Variants in ALPK2 observed in about 807,000 individuals in gnomAD.
ALPK2 encodes the protein alpha kinase 2, also known as alpha-protein kinase 2.
A neutral mutation model predicts 163.1 loss-of-function variants in ALPK2; 127 were observed. The ratio of observed to expected loss-of-function variants is 0.78; its 90% CI spans 0.67 to 0.90. ALPK2 has a LOEUF of 0.90. Ranked by LOEUF, ALPK2 falls within the 40% of genes least tolerant of loss-of-function variation. ALPK2 has a pLI of 0.00. For synonymous variants in ALPK2, 953 were observed against 959.1 expected, an observed-to-expected ratio of 0.99 and a Z score of 0.12; for missense variants, 2,360 against 2,589.6, an observed-to-expected ratio of 0.91 and a Z score of 1.92.
rs936452201 is a variant in ALPK2 at position 58,618,684 on chromosome 18, T to C, written c.-20-6867A>G. On this transcript the variant is annotated intron_variant, in intron 1 of 12. Transcript: ENST00000361673. Reference sequence around the variant, plus strand: ...GAAAAAATAATGTATTTCTCTCAAATTGTTGTAGAACAAAGGCTATAGGAG... The same window carrying C: ...GAAAAAATAATGTATTTCTCTCAAACTGTTGTAGAACAAAGGCTATAGGAG... 2.6e-5 allele frequency among the ~76,000 whole-genome samples: 4 copies of C among 152,256 alleles called. No individual in the cohort carries two copies. The East Asian group carries it at 7.7e-4, about 29-fold the overall frequency.
intron 5 of ALPK2, among the ~76,000 whole-genome samples, chr18:58,533,096 G>C (rs957801461): frequency 2.6e-5 from 4 of 152,212 alleles, no homozygotes; most frequent in African/African-American, 7.2e-5. Flanking sequence ...TCAGGACAAG[G>C]CTGGCTGCCC....
At position 58,534,831 on chromosome 18, in the gene ALPK2, C is replaced by A; in HGVS notation, c.5353+3G>T. ...ACAATGATGGACAGCAACAGAACCT[C>A]ACCTCTTCCTTCTCTTTTGCAAGAT... On this transcript the variant is annotated splice_donor_region_variant and intron_variant, in intron 5 of 12. Transcript: ENST00000361673. 6.2e-7 allele frequency: 1 copy of A among 1,604,314 alleles called. No homozygotes were observed. Among genetic ancestry groups the A allele is most frequent in the Non-Finnish European group, 8.5e-7 (1 of 1,176,208 alleles).
At chr18:58,596,899 C>T (rs530673687) in intron 3 of ALPK2, among the ~76,000 whole-genome samples, 2 of 152,280 alleles carry the variant, frequency 1.3e-5, no homozygotes, top group South Asian at 4.2e-4. Context: ...TGGCTCACTG[C>T]AGCCTCAACC....
At chr18:58,619,314 C>A (rs1244394550) in intron 1 of ALPK2, among the ~76,000 whole-genome samples, 2 of 152,164 alleles carry the variant, frequency 1.3e-5, no homozygotes, top group Non-Finnish European at 2.9e-5. Flanking sequence ...GCTTCAGTCA[C>A]TTCTAAAGGT....
intron 10 of ALPK2, among the ~76,000 whole-genome samples, chr18:58,512,663 T>C (rs1363659516): frequency 6.8e-6 from 1 of 147,410 alleles, no homozygotes; most frequent in African/African-American, 2.5e-5. Context: ...GTGTGTGCTG[T>C]GTGTGTGTGT....
At chr18:58,561,126 G>A (rs1166890993) in intron 4 of ALPK2, among the ~76,000 whole-genome samples, 1 of 152,158 alleles carries the variant, frequency 6.6e-6, no homozygotes, top group African/African-American at 2.4e-5. Flanking sequence ...GATACCGTAT[G>A]TGCCCAAGAA....
rs765155195 is a variant in ALPK2 at position 58,504,193 on chromosome 18, G to A, written c.6030-45C>T. ...AGGCGCACATCAAGGTCTCTACTGG[G>A]AAGAGAGGCTCCTGCGGCATTCTAC... On this transcript the variant is annotated intron_variant, in intron 10 of 12. Coordinates refer to ENST00000361673, the MANE Select transcript of ALPK2 (RefSeq NM_052947.4). 5 of 1,516,266 alleles carry A rather than the reference G, an allele frequency of 3.3e-6. No homozygotes were observed. The Admixed American group carries it at 8.5e-5, about 26-fold the overall frequency. The allele number at this position is 1,516,266 out of a possible 1,614,324, so 93.9% of individuals were successfully genotyped here.
intron 4 of ALPK2, among the ~76,000 whole-genome samples, chr18:58,559,628 T>A (rs2144174672): frequency 6.6e-6 from 1 of 152,326 alleles, no homozygotes; most frequent in East Asian, 1.9e-4. Context: ...CTATGGAGTC[T>A]CTGACTCAGG....
In ALPK2 at chr18:58,621,586, A is replaced by G. The variant is rs181995370; in HGVS notation, c.-21+7178T>C. ...GCACCAGGCCAATGTGATCACTTCT[A>G]TGGGCAAAGAAGAAGGAGGAGGAGG... On this transcript the variant is annotated intron_variant, in intron 1 of 12. Transcript: ENST00000361673. 4.5e-3 allele frequency among the ~76,000 whole-genome samples: 680 copies of G among 150,554 alleles called. 6 individuals are homozygous for G. The highest frequency in any genetic ancestry group is 0.015 in the African/African-American group (631 of 41,422).
At chr18:58,482,881 A>T (rs1314175132) in intron 12 of ALPK2, among the ~76,000 whole-genome samples, 1 of 152,186 alleles carries the variant, frequency 6.6e-6, no homozygotes, top group East Asian at 1.9e-4. Context: ...CCATCAAAAA[A>T]TTGGTTGAAG....
intron 8 of ALPK2, among the ~76,000 whole-genome samples, chr18:58,519,045 A>G (rs1186974019): frequency 6.6e-6 from 1 of 152,192 alleles, no homozygotes; most frequent in African/African-American, 2.4e-5. Flanking sequence ...TTTCTTCCCC[A>G]ATAACTCCTA....
At chr18:58,570,211 A>G (rs1437866998) in intron 4 of ALPK2, among the ~76,000 whole-genome samples, 1 of 152,064 alleles carries the variant, frequency 6.6e-6, no homozygotes, top group Non-Finnish European at 1.5e-5. Context: ...CTCTGGAGTC[A>G]TTGTTTTAAT....
intron 10 of ALPK2, among the ~76,000 whole-genome samples, chr18:58,510,296 T>C (rs1465130881): frequency 6.6e-6 from 1 of 152,348 alleles, no homozygotes; most frequent in South Asian, 2.1e-4. Flanking sequence ...AGCCTTGTAG[T>C]ATTGTTTGAA....
chr18:58,624,833 C>T (rs1418523180), intron 1 of ALPK2, among the ~76,000 whole-genome samples: 2 of 152,210 alleles, frequency 1.3e-5, no homozygotes, highest in Non-Finnish European at 1.5e-5. Flanking sequence ...TATCATTTGG[C>T]TCTCCATTCC....
At chr18:58,489,950 G>A (rs149772068) in intron 12 of ALPK2, among the ~76,000 whole-genome samples, 1,888 of 152,014 alleles carry the variant, frequency 0.012, 15 homozygotes, top group Non-Finnish European at 0.019. Flanking sequence ...GTGTGGTACC[G>A]TGTGCCTGTA....
intron 4 of ALPK2, among the ~76,000 whole-genome samples, chr18:58,573,708 GAGAAGGTCAGC>G (rs1489600603): frequency 6.7e-6 from 1 of 148,478 alleles, no homozygotes; most frequent in African/African-American, 2.5e-5. Flanking sequence ...TAATAGTGGA[GAGAAGGTCAGC>G]AGATAAACAT....
chr18:58,534,707 A>T (rs1382844725), intron 5 of ALPK2, 127 bp downstream of exon 5: 1 of 1,292,492 alleles, frequency 7.7e-7, no homozygotes, highest in African/African-American at 1.5e-5. Context: ...CTTGGCCACA[A>T]CCATAGCATC....
At chr18:58,494,849 T>C (rs2144103831) in intron 12 of ALPK2, among the ~76,000 whole-genome samples, 1 of 152,354 alleles carries the variant, frequency 6.6e-6, no homozygotes, top group East Asian at 1.9e-4. Flanking sequence ...GTCTGCAGAG[T>C]GCCCTTGAAC....
intron 3 of ALPK2, among the ~76,000 whole-genome samples, chr18:58,584,167 T>G (rs759460020): frequency 2.0e-5 from 3 of 152,228 alleles, no homozygotes; most frequent in Admixed American, 6.5e-5. Context: ...AAGAGATTTA[T>G]AATCCATCCT....
Sources: gnomAD v4.1 joint callset for allele counts (sites outside exome capture counted in the v4.1 genomes callset) on GRCh38, gnomAD v4.1.1 for gene constraint, MANE v1.5 for transcripts, NCBI Gene and HGNC (gene_info 2026-07-23, HGNC 2026-07-21) for gene names.